RBM26: variants seen among roughly 807,000 people sequenced by gnomAD.
RBM26 encodes RNA-binding protein 26.
Under a neutral mutation model 123.6 loss-of-function variants are expected in RBM26, and 30 were observed. That is an observed-to-expected ratio of 0.24 (90% CI 0.18 to 0.33). RBM26 has a LOEUF of 0.33. Ranked by LOEUF, RBM26 falls within the 10% of genes least tolerant of loss-of-function variation. The probability of loss-of-function intolerance (pLI) is 1.00; values close to 1 mark genes in which losing one functional copy is unlikely to be tolerated. For synonymous variants in RBM26, 400 were observed against 404.4 expected (o/e 0.99, Z 0.13); for missense variants, 947 against 1,203.6 (o/e 0.79, Z 3.15).
downstream of RBM26, among the ~76,000 whole-genome samples, chr13:79,316,875 C>G (rs952022729): frequency 2.0e-5 from 3 of 151,736 alleles, no homozygotes; most frequent in African/African-American, 7.2e-5. Context: ...CCTTTACCAA[C>G]TCCCAACTCA....
In RBM26 at chr13:79,375,008, A is replaced by AAT. The variant is rs905480294; in HGVS notation, c.327+2369_327+2370dup. Among the ~76,000 whole-genome samples, 10 of 138,098 alleles carry AAT rather than the reference A, an allele frequency of 7.2e-5. 1 individual carries two copies. The highest frequency in any genetic ancestry group is 7.1e-4 in the South Asian group (3 of 4,250). 90.6% of individuals were successfully genotyped at this position (138,098 alleles called of 152,430 possible). A position where few individuals can be genotyped will look rare whatever the true frequency, so the allele number is the denominator to read the frequency against. On this transcript the variant is annotated intron_variant, in intron 3 of 21. Coordinates refer to ENST00000438737, the MANE Select transcript of RBM26 (RefSeq NM_001366735.2). ...TTTCTGAGAATTAAAGCATACATAT[A>AAT]ATATATATATTATATATATTTTATA...
rs943521854 is a variant in RBM26 at position 79,366,079 on chromosome 13, C to G, written c.1252G>C (p.Ala418Pro). The change falls in exon 8 of 22, where the codon GCT (alanine) becomes CCT (proline). Residue 418 changes from alanine (A) to proline (P), a missense_variant. By Grantham distance (27) the Ala-to-Pro change is conservative. Coordinates refer to ENST00000438737, the MANE Select transcript of RBM26 (RefSeq NM_001366735.2). ...TTGIHHQPPP[A>P]PPSLFTADTY... ...CCTGCAGTAAAAAGAGAGGGTGGAG[C>G]AGGAGGAGGCTGGTGATGAATGCCA... is the stretch of plus-strand genomic sequence containing the variant. 1 of 1,613,786 alleles carries G rather than the reference C, an allele frequency of 6.2e-7. No individual in the cohort carries two copies. Among genetic ancestry groups the G allele is most frequent in the African/African-American group, 1.3e-5 (1 of 74,870 alleles).
intron 1 of RBM26, among the ~76,000 whole-genome samples, chr13:79,386,930 G>A (rs1472945817): frequency 6.6e-6 from 1 of 152,084 alleles, no homozygotes; most frequent in Non-Finnish European, 1.5e-5. Context: ...GATAAATTTG[G>A]CTGAGTCGAT....
At chr13:79,374,763 C>T (rs1041711035) in intron 3 of RBM26, among the ~76,000 whole-genome samples, 3 of 152,154 alleles carry the variant, frequency 2.0e-5, no homozygotes, top group Middle Eastern at 3.4e-3. Flanking sequence ...TTCCACAGTA[C>T]ATGCCCATCT....
intron 1 of RBM26, among the ~76,000 whole-genome samples, chr13:79,380,203 A>G (rs1228841711): frequency 1.3e-5 from 2 of 152,194 alleles, no homozygotes; most frequent in African/African-American, 4.8e-5. Flanking sequence ...GTCCATTTAG[A>G]GAGAACTGGA....
intron 1 of RBM26, among the ~76,000 whole-genome samples, chr13:79,399,451 A>G (rs550024095): frequency 6.6e-6 from 1 of 152,354 alleles, no homozygotes; most frequent in African/African-American, 2.4e-5. Context: ...GAAAAAAGAA[A>G]CAATAAAAAA....
intron 20 of RBM26, among the ~76,000 whole-genome samples, chr13:79,326,429 G>A (rs962499541): frequency 1.1e-4 from 16 of 152,272 alleles, no homozygotes; most frequent in African/African-American, 3.8e-4. Flanking sequence ...GGTCAAAAAG[G>A]TGAAAGTGGA....
At chr13:79,336,800 A>G (rs1171630019) in intron 19 of RBM26, among the ~76,000 whole-genome samples, 2 of 152,188 alleles carry the variant, frequency 1.3e-5, no homozygotes, top group African/African-American at 4.8e-5. Flanking sequence ...CTTTTTCTTT[A>G]AAAGTAAATA....
Position 79,346,630 on chromosome 13 carries a change from C to T in RBM26, c.2059-1836G>A, listed in dbSNP as rs573084477. Among the ~76,000 whole-genome samples the T allele has an allele frequency of 4.6e-5, 7 of 152,316 alleles. No individual in the cohort carries two copies. In the South Asian group the frequency reaches 8.3e-4, roughly 18 times the overall value. ...AGCTCAAGCAATCTTCCTGCCTTGG[C>T]GCCCCAAACTGTTGGGATTATAGGT... On this transcript the variant is annotated intron_variant, in intron 14 of 21. Coordinates refer to ENST00000438737, the MANE Select transcript of RBM26 (RefSeq NM_001366735.2).
chr13:79,314,947 C>T (rs1238325054), downstream of RBM26: 4 of 1,289,044 alleles, frequency 3.1e-6, no homozygotes, highest in South Asian at 2.5e-5. Context: ...ACTGGTCTTG[C>T]TCTTGCAGTC....
intron 21 of RBM26, among the ~76,000 whole-genome samples, chr13:79,321,902 A>T (rs1345371520): frequency 6.6e-6 from 1 of 151,426 alleles, no homozygotes; most frequent in Non-Finnish European, 1.5e-5. Context: ...CCTTGATGAT[A>T]GATAGGGACC....
At chr13:79,365,476 C>T in intron 9 of RBM26, 102 bp downstream of exon 9, 1 of 904,124 alleles carries the variant, frequency 1.1e-6, no homozygotes, top group South Asian at 1.7e-5. Context: ...AATCACCATT[C>T]CTTATCCAAC....
At chr13:79,327,200 G>A (rs890682461) in intron 20 of RBM26, among the ~76,000 whole-genome samples, 1 of 151,720 alleles carries the variant, frequency 6.6e-6, no homozygotes, top group African/African-American at 2.4e-5. Context: ...GGAGACTGAG[G>A]TGGGAGGATC....
At chr13:79,368,625 A>G (rs1171028325) in intron 6 of RBM26, 105 bp downstream of exon 6, 1 of 1,122,412 alleles carries the variant, frequency 8.9e-7, no homozygotes, top group Non-Finnish European at 1.3e-6. Context: ...CTAATTTCCC[A>G]CTTTTCAGAG....
intron 1 of RBM26, 97 bp downstream of exon 1, chr13:79,405,607 G>C: frequency 2.6e-6 from 2 of 756,782 alleles, no homozygotes; most frequent in South Asian, 4.6e-5. Context: ...TCACCGCTTC[G>C]GCCTCCACCG....
At position 79,365,263 on chromosome 13, in the gene RBM26, G is replaced by A. The variant is rs1347430158; in HGVS notation, c.1417+315C>T. 7.9e-5 allele frequency among the ~76,000 whole-genome samples: 12 copies of A among 152,152 alleles called. No homozygotes were observed. The East Asian group carries it at 2.1e-3, about 27-fold the overall frequency. ...AGTTCAAGACCAGCCTGGCCAATACGGTGAAATCCCATCTCTACTAAAAAT... is the reference window on the plus strand; with the variant it reads ...AGTTCAAGACCAGCCTGGCCAATACAGTGAAATCCCATCTCTACTAAAAAT... On this transcript the variant is annotated intron_variant, in intron 9 of 21. Coordinates refer to ENST00000438737, the MANE Select transcript of RBM26 (RefSeq NM_001366735.2).
At chr13:79,381,259 C>G (rs1326627514) in intron 1 of RBM26, among the ~76,000 whole-genome samples, 1 of 152,042 alleles carries the variant, frequency 6.6e-6, no homozygotes, top group Non-Finnish European at 1.5e-5. Flanking sequence ...AGTCCACATT[C>G]TTAACCACCA....
chr13:79,404,631 A>G (rs2079357197), intron 1 of RBM26, among the ~76,000 whole-genome samples: 1 of 152,186 alleles, frequency 6.6e-6, no homozygotes, highest in South Asian at 2.1e-4. Flanking sequence ...CACTTCTGCT[A>G]CAGGGCCTTT....
intron 14 of RBM26, among the ~76,000 whole-genome samples, chr13:79,348,867 GA>G (rs887335507): frequency 2.0e-5 from 3 of 152,124 alleles, no homozygotes; most frequent in Admixed American, 2.0e-4. Flanking sequence ...TAAATTTCAA[GA>G]ACACAAAGTA....
Sources: allele counts gnomAD v4.1 joint callset (sites outside exome capture counted in the v4.1 genomes callset), GRCh38; gene constraint gnomAD v4.1.1; transcripts MANE v1.5; gene names NCBI Gene and HGNC (gene_info 2026-07-23, HGNC 2026-07-21).